Variants in ASXL3 observed in about 807,000 individuals in gnomAD.
The protein encoded by ASXL3 is putative Polycomb group protein ASXL3.
In ASXL3, 34 loss-of-function variants were observed where a neutral mutation model predicts 170.6. The observed-to-expected ratio is 0.20, with a 90% CI of 0.15 to 0.27. The LOEUF (loss-of-function observed/expected upper bound fraction) is 0.27. ASXL3 is among the 10% of genes least tolerant of loss of function. ASXL3 has a pLI of 1.00. For missense variants in ASXL3, 2,592 were observed against 2,695.3 expected (o/e 0.96, Z 0.85); for synonymous variants, 1,002 against 989.1 (o/e 1.01, Z -0.24).
chr18:33,683,578 A>C lies in ASXL3; in HGVS notation c.879+10A>C, dbSNP rs751208707. Reference sequence around the variant, plus strand: ...AGAAGTGGATAGGCAGGTAAGTAGAAGTTTTAGACATTTGATACCAGCCAC... The same window carrying C: ...AGAAGTGGATAGGCAGGTAAGTAGACGTTTTAGACATTTGATACCAGCCAC... On this transcript the variant is annotated intron_variant, in intron 8 of 11. Transcript: ENST00000269197. The C allele has an allele frequency of 1.4e-5, 22 of 1,605,342 alleles. No homozygotes were observed. The highest frequency in any genetic ancestry group is 1.7e-5 in the Non-Finnish European group (20 of 1,175,978).
At chr18:33,674,620 GT>G (rs2066396328) in intron 7 of ASXL3, among the ~76,000 whole-genome samples, 1 of 151,862 alleles carries the variant, frequency 6.6e-6, no homozygotes, top group Non-Finnish European at 1.5e-5. Flanking sequence ...AGTAACCCAT[GT>G]CTTTTTTTTT....
intron 2 of ASXL3, among the ~76,000 whole-genome samples, chr18:33,618,337 C>G (rs1432411029): frequency 6.6e-6 from 1 of 151,734 alleles, no homozygotes; most frequent in African/African-American, 2.4e-5. Context: ...TGCAAGATGT[C>G]TATATGATAT....
At chr18:33,671,964 C>A in intron 7 of ASXL3, 98 bp downstream of exon 7, 1 of 1,249,628 alleles carries the variant, frequency 8.0e-7, no homozygotes, top group African/African-American at 1.5e-5. Context: ...AATGATTAAA[C>A]AAGGAAATTA....
At chr18:33,605,811 A>G (rs1382239410) in intron 1 of ASXL3, among the ~76,000 whole-genome samples, 1 of 151,508 alleles carries the variant, frequency 6.6e-6, no homozygotes, top group African/African-American at 2.4e-5. Flanking sequence ...CCCTCCTCCT[A>G]TCTGTCTCCT....
chr18:33,659,015 C>G (rs2066129135), intron 4 of ASXL3, among the ~76,000 whole-genome samples: 1 of 152,010 alleles, frequency 6.6e-6, no homozygotes, highest in South Asian at 2.1e-4. Context: ...AAATTTAACT[C>G]AAAATGTACA....
intron 10 of ASXL3, among the ~76,000 whole-genome samples, chr18:33,734,830 T>C (rs1568356667): frequency 6.6e-6 from 1 of 152,216 alleles, no homozygotes; most frequent in Non-Finnish European, 1.5e-5. Flanking sequence ...TTAATCTTTG[T>C]TTAGTCCTTC....
At chr18:33,689,278 G>A (rs578071958) in intron 8 of ASXL3, among the ~76,000 whole-genome samples, 2 of 152,346 alleles carry the variant, frequency 1.3e-5, no homozygotes, top group South Asian at 4.1e-4. Context: ...ACAGGCATTA[G>A]CCACCGCGCT....
chr18:33,699,213 T>C (rs2066828284), intron 8 of ASXL3, among the ~76,000 whole-genome samples: 1 of 152,066 alleles, frequency 6.6e-6, no homozygotes, highest in Non-Finnish European at 1.5e-5. Context: ...TGCTCTGATG[T>C]TAGATTGAAC....
intron 1 of ASXL3, among the ~76,000 whole-genome samples, chr18:33,600,458 T>A (rs1304004633): frequency 6.6e-6 from 1 of 152,132 alleles, no homozygotes; most frequent in Non-Finnish European, 1.5e-5. Context: ...CTTAAGAGAA[T>A]AGACTGCCTG....
intron 1 of ASXL3, among the ~76,000 whole-genome samples, chr18:33,579,907 GTAAC>G (rs1223035156): frequency 2.0e-5 from 3 of 152,148 alleles, no homozygotes. Flanking sequence ...AAGCATTTGA[GTAAC>G]TACATTATGC....
chr18:33,646,530 A>G (rs1484756410), intron 4 of ASXL3, among the ~76,000 whole-genome samples, 177 bp downstream of exon 4: 7 of 152,078 alleles, frequency 4.6e-5, no homozygotes, highest in African/African-American at 1.4e-4. Flanking sequence ...TAAAAGAAGT[A>G]TATAGTTCTT....
intron 2 of ASXL3, among the ~76,000 whole-genome samples, chr18:33,610,365 A>G (rs1202870736): frequency 1.3e-5 from 2 of 152,002 alleles, no homozygotes; most frequent in Non-Finnish European, 2.9e-5. Flanking sequence ...ATATGGCCAT[A>G]ACCCTCTGGT....
intron 8 of ASXL3, among the ~76,000 whole-genome samples, chr18:33,709,717 T>C (rs2067023621): frequency 6.6e-6 from 1 of 152,224 alleles, no homozygotes; most frequent in Non-Finnish European, 1.5e-5. Context: ...ATTCGAGCCA[T>C]GCTTATGATT....
rs1353725638 is a variant in ASXL3 at position 33,746,647 on chromosome 18, C to T, written c.*52C>T. 5 of 1,507,652 alleles carry T rather than the reference C, an allele frequency of 3.3e-6. No homozygotes were observed. Among genetic ancestry groups the T allele is most frequent in the Non-Finnish European group, 4.4e-6 (5 of 1,134,672 alleles). 93.4% of individuals were successfully genotyped at this position (1,507,652 alleles called of 1,614,324 possible). A position where few individuals can be genotyped will look rare whatever the true frequency, so the allele number is the denominator to read the frequency against. On this transcript the variant is annotated 3_prime_UTR_variant, in exon 12 of 12. Transcript: ENST00000269197. ...TTTTCCACACGGAAAAGCCAAATAG[C>T]ATCAGCAACAACAAATAGAATAATG... is the stretch of plus-strand genomic sequence containing the variant.
intron 1 of ASXL3, among the ~76,000 whole-genome samples, chr18:33,584,880 A>ATGTG (rs149103064): frequency 6.6e-6 from 1 of 151,496 alleles, no homozygotes; most frequent in South Asian, 2.1e-4. Flanking sequence ...TTGTGTATAT[A>ATGTG]TGTGTGTGTG....
At chr18:33,610,034 A>C (rs1193246704) in intron 2 of ASXL3, among the ~76,000 whole-genome samples, 2 of 152,004 alleles carry the variant, frequency 1.3e-5, no homozygotes, top group Non-Finnish European at 2.9e-5. Flanking sequence ...TAAAATATAC[A>C]TACCTAGCTT....
chr18:33,580,672 A>G (rs565682040), intron 1 of ASXL3, among the ~76,000 whole-genome samples: 1 of 152,334 alleles, frequency 6.6e-6, no homozygotes, highest in South Asian at 2.1e-4. Context: ...ATAATTTGAA[A>G]GAGATTTCTA....
chr18:33,686,342 C>G (rs1316164544), intron 8 of ASXL3, among the ~76,000 whole-genome samples: 1 of 152,128 alleles, frequency 6.6e-6, no homozygotes, highest in Non-Finnish European at 1.5e-5. Context: ...TACTAGAAAA[C>G]AAGTTTAATA....
intron 7 of ASXL3, among the ~76,000 whole-genome samples, chr18:33,682,752 A>G (rs1007630741): frequency 6.6e-6 from 1 of 152,054 alleles, no homozygotes; most frequent in Non-Finnish European, 1.5e-5. Context: ...TGGTCTCACC[A>G]TGTTGCCCAA....
Sources: allele counts gnomAD v4.1 joint callset (sites outside exome capture counted in the v4.1 genomes callset), GRCh38; gene constraint gnomAD v4.1.1; transcripts MANE v1.5; gene names NCBI Gene and HGNC (gene_info 2026-07-23, HGNC 2026-07-21).